The following FAM135A variants were observed in gnomAD, a reference collection of about 807,000 sequenced individuals.
FAM135A encodes the protein family with sequence similarity 135 member A.
A neutral mutation model predicts 146.8 loss-of-function variants in FAM135A; 79 were observed. The observed-to-expected ratio is 0.54, with a 90% CI of 0.45 to 0.65. The LOEUF (loss-of-function observed/expected upper bound fraction) is 0.65, where lower values mean the gene tolerates loss of function less well. Ranked by LOEUF, FAM135A falls within the 30% of genes least tolerant of loss-of-function variation. The pLI is 0.00. For synonymous variants in FAM135A, 562 were observed against 603.6 expected (o/e 0.93, Z 1.01); for missense variants, 1,623 against 1,758.2 (o/e 0.92, Z 1.38).
chr6:70,458,252 C>T (rs1236949036), intron 5 of FAM135A, among the ~76,000 whole-genome samples: 2 of 152,080 alleles, frequency 1.3e-5, no homozygotes, highest in Non-Finnish European at 2.9e-5. Flanking sequence ...GAAAGAAATA[C>T]ATAAAATCTC....
At chr6:70,556,664 A>AT in intron 20 of FAM135A, 86 bp from the exon 21 acceptor site, 1 of 809,540 alleles carries the variant, frequency 1.2e-6, no homozygotes. Context: ...AAGGAAATTT[A>AT]TTTTTTGGTC....
chr6:70,511,013 T>A (rs910884469), intron 12 of FAM135A, among the ~76,000 whole-genome samples: 1 of 152,026 alleles, frequency 6.6e-6, no homozygotes, highest in Non-Finnish European at 1.5e-5. Flanking sequence ...AGCTTTGATT[T>A]GCAGTACCCT....
chr6:70,469,017 T>G (rs1214419814), intron 5 of FAM135A, among the ~76,000 whole-genome samples: 3 of 152,228 alleles, frequency 2.0e-5, no homozygotes, highest in Non-Finnish European at 4.4e-5. Context: ...CTTTTCTGTT[T>G]AAAATTACTA....
At chr6:70,486,828 G>A (rs867163380) in intron 10 of FAM135A, among the ~76,000 whole-genome samples, 1 of 152,154 alleles carries the variant, frequency 6.6e-6, no homozygotes, top group Non-Finnish European at 1.5e-5. Flanking sequence ...CTCGGAGGCT[G>A]AGGCAGGGGA....
intron 5 of FAM135A, among the ~76,000 whole-genome samples, chr6:70,471,119 A>T (rs1205093377): frequency 1.3e-5 from 2 of 152,252 alleles, no homozygotes; most frequent in East Asian, 3.8e-4. Context: ...TAGCCAGTCA[A>T]GATAGCTGTT....
At chr6:70,419,633 C>A (rs1291683779) in intron 2 of FAM135A, among the ~76,000 whole-genome samples, 1 of 152,112 alleles carries the variant, frequency 6.6e-6, no homozygotes, top group Non-Finnish European at 1.5e-5. Flanking sequence ...ACGTGTTTTT[C>A]CCTCGGTTGG....
intron 20 of FAM135A, among the ~76,000 whole-genome samples, chr6:70,539,761 T>C (rs565742088): frequency 1.2e-4 from 19 of 152,180 alleles, no homozygotes; most frequent in Non-Finnish European, 2.4e-4. Context: ...TTTGGGAGCC[T>C]GAGGCGGGCG....
Position 70,524,808 on chromosome 6 carries a change from G to A in FAM135A, c.1724G>A (p.Cys575Tyr), listed in dbSNP as rs1405617448. ...MRQTSQKEAS[C>Y]LPTNTERTEQ... ...CAGACAAGTCAAAAGGAAGCTAGCT[G>A]TTTGCCAACTAATACAGAGAGAACT... The change falls in exon 15 of 22, where the codon TGT becomes TAT. Residue 575 changes from cysteine to tyrosine, a missense_variant. Transcript: ENST00000418814. 7 of 1,558,478 alleles carry A rather than the reference G, an allele frequency of 4.5e-6. No individual in the cohort carries two copies. The highest frequency in any genetic ancestry group is 6.1e-6 in the Non-Finnish European group (7 of 1,150,534).
intron 17 of FAM135A, 92 bp from the exon 18 acceptor site, chr6:70,533,665 C>G (rs1796249310): frequency 1.3e-6 from 1 of 747,736 alleles, no homozygotes; most frequent in Non-Finnish European, 2.1e-6. Flanking sequence ...ACCATACTTT[C>G]AGTACCTAAA....
intron 11 of FAM135A, among the ~76,000 whole-genome samples, chr6:70,496,276 CAT>C (rs1304317146): frequency 1.1e-4 from 17 of 152,174 alleles, no homozygotes; most frequent in African/African-American, 3.4e-4. Flanking sequence ...AGCTTTTTTT[CAT>C]ATGTTTGTTG....
In FAM135A at chr6:70,436,788, G is replaced by A. The variant is rs1227478031; in HGVS notation, c.77+8369G>A. On this transcript the variant is annotated intron_variant, in intron 4 of 21. Transcript: ENST00000418814. ...ATAACAGTGAATGATGGGGCCAATA[G>A]TAATTGAATATCCCAACAATCTGCC... 5.3e-5 allele frequency among the ~76,000 whole-genome samples: 8 copies of A among 152,140 alleles called. No homozygotes were observed. The East Asian group carries it at 1.5e-3, about 29-fold the overall frequency.
At position 70,526,530 on chromosome 6, in the gene FAM135A, C is replaced by A. The variant is rs1483496621; in HGVS notation, c.3446C>A (p.Thr1149Asn). The part of the protein sequence containing the change: ...RDGINMPTVC[T>N]SGCLSFPSAP... Reference sequence around the variant, plus strand: ...GGTATAAACATGCCTACTGTCTGTACTTCTGGTTGTTTGTCCTTCCCGTCT... The same window carrying A: ...GGTATAAACATGCCTACTGTCTGTAATTCTGGTTGTTTGTCCTTCCCGTCT... The change falls in exon 15 of 22, where the codon ACT becomes AAT. Residue 1149 changes from threonine (T) to asparagine (N), a missense_variant. Thr to Asn is a moderately conservative substitution (Grantham distance 65, BLOSUM62 0). Around this residue, in one of 7 missense-constraint regions of FAM135A, gnomAD observed 1,061 missense variants for 1,113.8 expected, o/e 0.95. Coordinates refer to ENST00000418814, the MANE Select transcript of FAM135A (RefSeq NM_001162529.3). 1.2e-6 allele frequency: 2 copies of A among 1,613,504 alleles called. No homozygotes were observed. The highest frequency in any genetic ancestry group is 2.7e-5 in the African/African-American group (2 of 74,918).
chr6:70,428,471 A>C, intron 4 of FAM135A, 52 bp downstream of exon 4: 2 of 1,215,350 alleles, frequency 1.6e-6, no homozygotes, highest in South Asian at 3.4e-5. Flanking sequence ...GTACAGTTTA[A>C]ATTTAAATTT....
intron 4 of FAM135A, among the ~76,000 whole-genome samples, chr6:70,448,516 C>T (rs886764900): frequency 5.9e-5 from 9 of 152,074 alleles, no homozygotes; most frequent in Admixed American, 6.5e-5. Context: ...GGTGACCCTT[C>T]GACCTGGATT....
chr6:70,475,471 A>G lies in FAM135A; in HGVS notation c.219A>G (p.Gln73=), dbSNP rs1316552549. ...HDSLICSKTF[Q]ILYKNEEVVL... ...CTCTAATTTGCAGTAAAACATTTCA[A>G]ATTTTGTACAAAAATGAAGAGGTTG... The change falls in exon 6 of 22, where the codon CAA becomes CAG. Residue 73 remains glutamine (Q), a synonymous_variant. Transcript: ENST00000418814. 4 of 1,606,698 alleles carry G rather than the reference A, an allele frequency of 2.5e-6. No homozygotes were observed. Among genetic ancestry groups the G allele is most frequent in the African/African-American group, 1.3e-5 (1 of 74,832 alleles).
chr6:70,474,560 T>C (rs1254963282), intron 5 of FAM135A, among the ~76,000 whole-genome samples: 1 of 152,232 alleles, frequency 6.6e-6, no homozygotes, highest in Non-Finnish European at 1.5e-5. Context: ...AGCATAGTGC[T>C]GTACTTATTA....
chr6:70,516,786 C>T (rs939249707), intron 12 of FAM135A, among the ~76,000 whole-genome samples: 8 of 151,956 alleles, frequency 5.3e-5, no homozygotes, highest in Non-Finnish European at 7.4e-5. Flanking sequence ...CCGCCCATCT[C>T]GGCCTCCCAA....
At chr6:70,495,811 T>C (rs1194197183) in intron 11 of FAM135A, among the ~76,000 whole-genome samples, 1 of 152,040 alleles carries the variant, frequency 6.6e-6, no homozygotes, top group East Asian at 1.9e-4. Context: ...TGACAGGCCC[T>C]GGTGTGTGAT....
At chr6:70,430,665 T>C (rs990222782) in intron 4 of FAM135A, among the ~76,000 whole-genome samples, 2 of 152,240 alleles carry the variant, frequency 1.3e-5, no homozygotes, top group African/African-American at 4.8e-5. Flanking sequence ...CCTTTTGTCA[T>C]GCTGAGAACG....
Sources: allele counts gnomAD v4.1 joint callset (sites outside exome capture counted in the v4.1 genomes callset), GRCh38; gene constraint gnomAD v4.1.1; regional missense constraint gnomAD v4.1.1; transcripts MANE v1.5; gene names NCBI Gene and HGNC (gene_info 2026-07-23, HGNC 2026-07-21).